NEGR1: variants seen among roughly 807,000 people sequenced by gnomAD.
NEGR1 encodes neuronal growth regulator 1, also known as IgLON family member 4.
Under a neutral mutation model 40.9 loss-of-function variants are expected in NEGR1, and 10 were observed. The ratio of observed to expected loss-of-function variants is 0.24; its 90% CI spans 0.15 to 0.42. NEGR1 has a LOEUF of 0.42. Ranked by LOEUF, NEGR1 falls within the 10% of genes least tolerant of loss-of-function variation. NEGR1 has a pLI of 1.00. For missense variants in NEGR1, 352 were observed against 438.9 expected, an observed-to-expected ratio of 0.80 and a Z score of 1.77; for synonymous variants, 185 against 166.8, an observed-to-expected ratio of 1.11 and a Z score of -0.84.
chr1:71,959,669 A>T (rs186699270), intron 1 of NEGR1, among the ~76,000 whole-genome samples: 46 of 152,228 alleles, frequency 3.0e-4, no homozygotes, highest in South Asian at 6.2e-4. Flanking sequence ...GTTCCCTGGT[A>T]GTTTCATTGC....
intron 6 of NEGR1, among the ~76,000 whole-genome samples, chr1:71,549,397 C>T (rs1648001964): frequency 6.6e-6 from 1 of 151,628 alleles, no homozygotes; most frequent in African/African-American, 2.4e-5. Context: ...ACTGGTTCCT[C>T]CATGCTTTGG....
intron 2 of NEGR1, among the ~76,000 whole-genome samples, chr1:71,916,762 C>A (rs1426609537): frequency 6.6e-6 from 1 of 151,986 alleles, no homozygotes; most frequent in Non-Finnish European, 1.5e-5. Context: ...GTAAAAAAGA[C>A]AAAACAAAAC....
intron 1 of NEGR1, among the ~76,000 whole-genome samples, chr1:72,090,734 G>C (rs1019009674): frequency 6.6e-6 from 1 of 152,028 alleles, no homozygotes; most frequent in Admixed American, 6.5e-5. Context: ...GCAGGCGTTA[G>C]GCCTACTCAC....
At chr1:71,928,326 A>G (rs1183516362) in intron 2 of NEGR1, among the ~76,000 whole-genome samples, 23 of 119,780 alleles carry the variant, frequency 1.9e-4, no homozygotes, top group African/African-American at 3.6e-4. Context: ...GTATATACGT[A>G]TATATGTATA....
At chr1:71,991,197 C>T (rs1241676041) in intron 1 of NEGR1, among the ~76,000 whole-genome samples, 1 of 152,088 alleles carries the variant, frequency 6.6e-6, no homozygotes, top group Non-Finnish European at 1.5e-5. Context: ...TTCACAACTA[C>T]TCTTTTCTCT....
At chr1:71,965,502 A>G (rs1195198476) in intron 1 of NEGR1, among the ~76,000 whole-genome samples, 1 of 152,186 alleles carries the variant, frequency 6.6e-6, no homozygotes, top group African/African-American at 2.4e-5. Context: ...ATCAATATGC[A>G]TTCTAAATCT....
At chr1:71,913,425 C>CT (rs1415447058) in intron 2 of NEGR1, among the ~76,000 whole-genome samples, 1 of 151,998 alleles carries the variant, frequency 6.6e-6, no homozygotes, top group Non-Finnish European at 1.5e-5. Flanking sequence ...GGAAGCAATC[C>CT]TTTTTTACAT....
intron 2 of NEGR1, among the ~76,000 whole-genome samples, chr1:71,840,785 C>T (rs991887393): frequency 6.6e-6 from 1 of 152,030 alleles, no homozygotes; most frequent in Non-Finnish European, 1.5e-5. Flanking sequence ...CCAGTTGTTT[C>T]TGTGAGAATG....
At chr1:71,862,181 A>G (rs1027471420) in intron 2 of NEGR1, among the ~76,000 whole-genome samples, 5 of 152,076 alleles carry the variant, frequency 3.3e-5, no homozygotes, top group African/African-American at 9.7e-5. Context: ...AAACTCTTTA[A>G]TCTTCACAAC....
chr1:72,210,663 T>C (rs537713597), intron 1 of NEGR1, among the ~76,000 whole-genome samples: 23 of 151,970 alleles, frequency 1.5e-4, no homozygotes, highest in African/African-American at 4.8e-4. Context: ...CTCATAGTAT[T>C]TTTAGAGAAT....
intron 1 of NEGR1, among the ~76,000 whole-genome samples, chr1:72,152,050 A>G (rs554810085): frequency 1.3e-5 from 2 of 151,976 alleles, no homozygotes; most frequent in South Asian, 4.1e-4. Flanking sequence ...GGAATACTGC[A>G]TACAACAGAC....
chr1:71,559,588 C>T (rs747749957), intron 6 of NEGR1, among the ~76,000 whole-genome samples: 3 of 151,578 alleles, frequency 2.0e-5, no homozygotes, highest in Middle Eastern at 3.4e-3. Flanking sequence ...CAATACCCTG[C>T]GACATAGTTC....
At chr1:72,027,815 A>G (rs1646825371) in intron 1 of NEGR1, among the ~76,000 whole-genome samples, 1 of 152,220 alleles carries the variant, frequency 6.6e-6, no homozygotes, top group South Asian at 2.1e-4. Context: ...GACAGATAGC[A>G]TGGCCATATC....
At chr1:71,861,842 C>T (rs1441582569) in intron 2 of NEGR1, among the ~76,000 whole-genome samples, 1 of 151,920 alleles carries the variant, frequency 6.6e-6, no homozygotes, top group Non-Finnish European at 1.5e-5. Flanking sequence ...CACAGTAGAA[C>T]AGAATGAAAC....
At chr1:71,454,088 A>T (rs1646652454) in intron 6 of NEGR1, among the ~76,000 whole-genome samples, 1 of 152,148 alleles carries the variant, frequency 6.6e-6, no homozygotes, top group Admixed American at 6.5e-5. Context: ...TTTTTCCTAG[A>T]CTTAATGTCT....
At chr1:71,520,192 G>C (rs573734634) in intron 6 of NEGR1, among the ~76,000 whole-genome samples, 1 of 152,154 alleles carries the variant, frequency 6.6e-6, no homozygotes, top group East Asian at 1.9e-4. Context: ...AAAATGACCA[G>C]TGGTGGGGTT....
chr1:71,870,818 T>C (rs1023165598), intron 2 of NEGR1, among the ~76,000 whole-genome samples: 1 of 152,222 alleles, frequency 6.6e-6, no homozygotes, highest in African/African-American at 2.4e-5. Context: ...TGAGATGTTG[T>C]TTTCATGAAT....
intron 1 of NEGR1, among the ~76,000 whole-genome samples, chr1:71,988,923 TAAAAAAAAAA>T (rs10604833): frequency 2.3e-4 from 19 of 82,234 alleles, no homozygotes; most frequent in African/African-American, 1.0e-3. Context: ...TATTGGATGT[TAAAAAAAAAA>T]AAAAAAAAAA....
At chr1:71,840,208 C>T (rs1156542108) in intron 2 of NEGR1, among the ~76,000 whole-genome samples, 1 of 152,050 alleles carries the variant, frequency 6.6e-6, no homozygotes, top group African/African-American at 2.4e-5. Context: ...ACATCAAAAA[C>T]ATCTGTAGGA....
Sources: gnomAD v4.1 joint callset for allele counts (sites outside exome capture counted in the v4.1 genomes callset) on GRCh38, gnomAD v4.1.1 for gene constraint, MANE v1.5 for transcripts, NCBI Gene and HGNC (gene_info 2026-07-23, HGNC 2026-07-21) for gene names.